The following GRK3 variants were observed in gnomAD, a reference collection of about 807,000 sequenced individuals.
The protein encoded by GRK3 is G protein-coupled receptor kinase 3, also known as adrenergic, beta, receptor kinase 2.
In GRK3, 54 loss-of-function variants were observed where a neutral mutation model predicts 95.7. That is an observed-to-expected ratio of 0.56 (90% CI 0.45 to 0.71). The LOEUF is 0.71. GRK3 is among the 30% of genes least tolerant of loss of function. The probability of loss-of-function intolerance (pLI) is 0.00; values close to 1 mark genes in which losing one functional copy is unlikely to be tolerated. For synonymous variants in GRK3, 281 were observed against 290.8 expected (o/e 0.97, Z 0.34); for missense variants, 649 against 851.2 (o/e 0.76, Z 2.96).
At chr22:25,668,552 A>G (rs1417013491) in intron 6 of GRK3, among the ~76,000 whole-genome samples, 1 of 152,248 alleles carries the variant, frequency 6.6e-6, no homozygotes, top group African/African-American at 2.4e-5. Flanking sequence ...TTGTGTTGCA[A>G]TTCTATTGGA....
intron 4 of GRK3, among the ~76,000 whole-genome samples, chr22:25,662,995 T>C (rs905828779): frequency 7.2e-5 from 11 of 152,140 alleles, no homozygotes; most frequent in Non-Finnish European, 2.9e-5. Flanking sequence ...ATGGCTTGAC[T>C]TTGTAATCCT....
chr22:25,667,579 T>A (rs1948205710), intron 5 of GRK3, among the ~76,000 whole-genome samples, 160 bp from the exon 6 acceptor site: 2 of 151,940 alleles, frequency 1.3e-5, no homozygotes, highest in African/African-American at 4.8e-5. Context: ...GATGAATGCA[T>A]TAGTGAATAT....
chr22:25,600,347 C>T (rs528218517), intron 1 of GRK3, among the ~76,000 whole-genome samples: 41 of 152,222 alleles, frequency 2.7e-4, no homozygotes, highest in African/African-American at 9.9e-4. Flanking sequence ...ACCATGTTGT[C>T]CATGCTGGTC....
chr22:25,565,571 G>C (rs1035446349), intron 1 of GRK3, among the ~76,000 whole-genome samples: 1 of 152,020 alleles, frequency 6.6e-6, no homozygotes, highest in Non-Finnish European at 1.5e-5. Context: ...CATCCTGGTC[G>C]CTCCTTCTTC....
chr22:25,587,229 G>A (rs1032892264), intron 1 of GRK3, among the ~76,000 whole-genome samples: 8 of 152,110 alleles, frequency 5.3e-5, no homozygotes, highest in Middle Eastern at 3.4e-3. Context: ...TACATGGTCC[G>A]ATTTATATTT....
At chr22:25,572,517 G>T (rs1159016596) in intron 1 of GRK3, among the ~76,000 whole-genome samples, 3 of 152,156 alleles carry the variant, frequency 2.0e-5, no homozygotes, top group African/African-American at 7.2e-5. Flanking sequence ...TCCAACACCT[G>T]TTGTTTCCTT....
chr22:25,590,495 G>T (rs1345845246), intron 1 of GRK3, among the ~76,000 whole-genome samples: 1 of 151,998 alleles, frequency 6.6e-6, no homozygotes, highest in Non-Finnish European at 1.5e-5. Flanking sequence ...CACACTCAGG[G>T]TTTTACTTAC....
chr22:25,615,106 G>A (rs117375099), intron 2 of GRK3, among the ~76,000 whole-genome samples: 1,745 of 152,290 alleles, frequency 0.011, 16 homozygotes, highest in South Asian at 0.018. Context: ...TAAAGCAAAC[G>A]TGGGGAAGTT....
chr22:25,694,989 C>G (rs1205048031), intron 12 of GRK3, 118 bp from the exon 13 acceptor site: 1 of 635,524 alleles, frequency 1.6e-6, no homozygotes, highest in Non-Finnish European at 2.8e-6. Context: ...CACAACTGTC[C>G]CCTCTCCTTT....
At chr22:25,652,959 G>C (rs9941944) in intron 3 of GRK3, among the ~76,000 whole-genome samples, 14,036 of 152,116 alleles carry the variant, frequency 0.092, 804 homozygotes, top group Middle Eastern at 0.16. Flanking sequence ...GTAGGTATAC[G>C]ATGTAGGCTC....
intron 1 of GRK3, among the ~76,000 whole-genome samples, chr22:25,570,130 G>C (rs1466156194): frequency 1.3e-5 from 2 of 152,172 alleles, no homozygotes; most frequent in South Asian, 2.1e-4. Flanking sequence ...GATCAGCTAC[G>C]AGTCCTCAGA....
At chr22:25,645,304 C>T (rs1314118998) in intron 3 of GRK3, among the ~76,000 whole-genome samples, 1 of 152,166 alleles carries the variant, frequency 6.6e-6, no homozygotes, top group African/African-American at 2.4e-5. Context: ...AAGATGTGGT[C>T]TGGTGACATT....
intron 5 of GRK3, 63 bp from the exon 6 acceptor site, chr22:25,667,676 G>C (rs1236315686): frequency 1.4e-5 from 17 of 1,203,008 alleles, no homozygotes; most frequent in Non-Finnish European, 2.1e-5. Context: ...AGTCTCATTG[G>C]TTTGTGTTTT....
chr22:25,701,448 G>A lies in GRK3; in HGVS notation c.1161-2062G>A, dbSNP rs142814545. On this transcript the variant is annotated intron_variant, in intron 13 of 20. Transcript: ENST00000324198. ...GAACATGGCAGCATAGACTTGAATAGCTGAAGAGCATTTTCTGATAATTTC... is the reference window on the plus strand; with the variant it reads ...GAACATGGCAGCATAGACTTGAATAACTGAAGAGCATTTTCTGATAATTTC... Among the ~76,000 whole-genome samples, 64 of 152,332 alleles carry A rather than the reference G, an allele frequency of 4.2e-4. 1 individual carries two copies. Among genetic ancestry groups the A allele is most frequent in the African/African-American group, 1.0e-3 (43 of 41,572 alleles).
rs987722088 is a variant in GRK3 at position 25,709,615 on chromosome 22, C to T, written c.1329-283C>T. Among the ~76,000 whole-genome samples the T allele has an allele frequency of 4.1e-4, 61 of 150,464 alleles. No individual in the cohort carries two copies. The Middle Eastern group carries it at 0.014, about 34-fold the overall frequency. On this transcript the variant is annotated intron_variant, in intron 15 of 20. Coordinates refer to ENST00000324198, the MANE Select transcript of GRK3 (RefSeq NM_005160.4). ...GAATTATTGTGTGTGTGTGTGTGTG[C>T]GTGTGTATATATATATCTGTGAAAA...
At chr22:25,593,481 T>C (rs1485172398) in intron 1 of GRK3, among the ~76,000 whole-genome samples, 1 of 152,174 alleles carries the variant, frequency 6.6e-6, no homozygotes, top group African/African-American at 2.4e-5. Context: ...TTTCATATGT[T>C]TGTTGGTTGC....
chr22:25,699,063 G>T (rs1234939392), intron 13 of GRK3, among the ~76,000 whole-genome samples: 6 of 152,144 alleles, frequency 3.9e-5, no homozygotes, highest in Admixed American at 2.6e-4. Context: ...TGTACGGAGG[G>T]CCTTTCAGGA....
At chr22:25,698,039 T>TG (rs1363704791) in intron 13 of GRK3, among the ~76,000 whole-genome samples, 4 of 140,048 alleles carry the variant, frequency 2.9e-5, no homozygotes, top group African/African-American at 1.1e-4. Flanking sequence ...CTTGATGCTG[T>TG]GGGGGAAGGA....
intron 17 of GRK3, among the ~76,000 whole-genome samples, chr22:25,711,364 T>C (rs1308891119): frequency 6.6e-6 from 1 of 152,162 alleles, no homozygotes; most frequent in Non-Finnish European, 1.5e-5. Context: ...ATAATTTTAT[T>C]TTTGAGGAAC....
Sources: allele counts gnomAD v4.1 joint callset (sites outside exome capture counted in the v4.1 genomes callset), GRCh38; gene constraint gnomAD v4.1.1; transcripts MANE v1.5; gene names NCBI Gene and HGNC (gene_info 2026-07-23, HGNC 2026-07-21).